PPP6R2: variants seen among roughly 807,000 people sequenced by gnomAD.
PPP6R2 encodes protein phosphatase 6 regulatory subunit 2.
Under a neutral mutation model 100.2 loss-of-function variants are expected in PPP6R2, and 62 were observed. That is an observed-to-expected ratio of 0.62 (90% CI 0.50 to 0.76). PPP6R2 has a LOEUF of 0.76. PPP6R2 is among the 30% of genes least tolerant of loss of function. The pLI is 0.00. For synonymous variants in PPP6R2, 525 were observed against 514.7 expected (o/e 1.02, Z -0.27); for missense variants, 1,142 against 1,276.3 (o/e 0.89, Z 1.60).
intron 5 of PPP6R2, among the ~76,000 whole-genome samples, chr22:50,415,138 G>C (rs2060348126): frequency 6.6e-6 from 1 of 152,244 alleles, no homozygotes; most frequent in Admixed American, 6.5e-5. Flanking sequence ...TGTTCTGATG[G>C]TGTTTAGTCA....
chr22:50,394,627 C>T (rs2148898666), intron 3 of PPP6R2, among the ~76,000 whole-genome samples: 1 of 138,906 alleles, frequency 7.2e-6, no homozygotes, highest in Admixed American at 7.1e-5. Context: ...AAAAAAAAGG[C>T]CGGGCACAGT....
At chr22:50,369,375 T>A (rs558385583) in intron 1 of PPP6R2, among the ~76,000 whole-genome samples, 1 of 152,310 alleles carries the variant, frequency 6.6e-6, no homozygotes, top group South Asian at 2.1e-4. Context: ...TTACCTGTTT[T>A]AGAAGGTGGT....
chr22:50,341,561 C>T (rs111220633), upstream of PPP6R2, among the ~76,000 whole-genome samples: 3,328 of 152,266 alleles, frequency 0.022, 46 homozygotes, highest in Admixed American at 0.033. Context: ...AGCAAGCTGA[C>T]CTACAGCAAG....
intron 3 of PPP6R2, among the ~76,000 whole-genome samples, chr22:50,404,142 T>G (rs1430906394): frequency 7.0e-6 from 1 of 143,690 alleles, no homozygotes; most frequent in Non-Finnish European, 1.5e-5. Flanking sequence ...TCACCCAGAC[T>G]GGAGTGCAGT....
chr22:50,339,834 T>TG, upstream of PPP6R2, among the ~76,000 whole-genome samples: 1 of 41,494 alleles, frequency 2.4e-5, no homozygotes, highest in Non-Finnish European at 3.9e-5. Context: ...ATGTAGTGTG[T>TG]GTGGTGTGTG....
At chr22:50,432,411 C>A in intron 12 of PPP6R2, 82 bp downstream of exon 12, 1 of 1,317,718 alleles carries the variant, frequency 7.6e-7, no homozygotes, top group Middle Eastern at 2.6e-4. Context: ...CCTGGTGACG[C>A]TGCGTGCAGG....
At chr22:50,437,342 T>G (rs1396148742) in intron 15 of PPP6R2, among the ~76,000 whole-genome samples, 164 bp from the exon 16 acceptor site, 1 of 152,186 alleles carries the variant, frequency 6.6e-6, no homozygotes, top group East Asian at 1.9e-4. Context: ...AGCCTGAGTT[T>G]TGGTAGAATC....
intron 1 of PPP6R2, among the ~76,000 whole-genome samples, chr22:50,360,552 T>TG (rs1268598610): frequency 6.6e-6 from 1 of 152,014 alleles, no homozygotes; most frequent in Non-Finnish European, 1.5e-5. Context: ...TTTTTAGAGA[T>TG]GGGGTCTCTC....
At chr22:50,349,702 C>A (rs1231818530) in intron 1 of PPP6R2, among the ~76,000 whole-genome samples, 2 of 146,610 alleles carry the variant, frequency 1.4e-5, no homozygotes, top group African/African-American at 2.5e-5. Flanking sequence ...TGGCATGCGC[C>A]TGTAATCCCA....
intron 1 of PPP6R2, among the ~76,000 whole-genome samples, chr22:50,368,564 A>G (rs1193899061): frequency 6.6e-6 from 1 of 152,248 alleles, no homozygotes; most frequent in African/African-American, 2.4e-5. Context: ...ATTCACATAT[A>G]TCTATAATCT....
intron 22 of PPP6R2, among the ~76,000 whole-genome samples, chr22:50,442,380 CCT>C (rs1216832170): frequency 6.6e-6 from 1 of 152,234 alleles, no homozygotes; most frequent in Admixed American, 6.5e-5. Context: ...GTTTGGCCAC[CCT>C]GTCTTCAGGG....
At chr22:50,433,661 C>T (rs1479489252) in intron 12 of PPP6R2, among the ~76,000 whole-genome samples, 2 of 18,646 alleles carry the variant, frequency 1.1e-4, no homozygotes, top group Non-Finnish European at 1.1e-4. Context: ...GGAGGAGGGC[C>T]GGGGGCATGG....
At chr22:50,437,484 T>TCCCCCCC in intron 15 of PPP6R2, 22 bp from the exon 16 acceptor site, 1 of 542,126 alleles carries the variant, frequency 1.8e-6, no homozygotes, top group Non-Finnish European at 3.6e-6. Flanking sequence ...TGTCCGTCCC[T>TCCCCCCC]CCCTCCCTCC....
At position 50,354,868 on chromosome 22, in the gene PPP6R2, C is replaced by CTTTTT. The variant is rs762678639; in HGVS notation, c.-148+11332_-148+11336dup. Among the ~76,000 whole-genome samples, 866 of 126,280 alleles carry CTTTTT rather than the reference C, an allele frequency of 6.9e-3. 24 individuals carry two copies. Among genetic ancestry groups the CTTTTT allele is most frequent in the South Asian group, 0.014 (56 of 3,896 alleles). 82.8% of individuals were successfully genotyped at this position (126,280 alleles called of 152,430 possible). ...TAAAAGCTGCTGCACCTGGATCAGCCTTTTTTTTTTTTTTTTTTGAGACAG... is the reference window on the plus strand; with the variant it reads ...TAAAAGCTGCTGCACCTGGATCAGCCTTTTTTTTTTTTTTTTTTTTTTTGAGACAG... On this transcript the variant is annotated intron_variant, in intron 1 of 23. Coordinates refer to ENST00000612753, the MANE Select transcript of PPP6R2 (RefSeq NM_001242898.2).
intron 10 of PPP6R2, among the ~76,000 whole-genome samples, chr22:50,424,247 G>A (rs939976860): frequency 1.3e-5 from 2 of 152,144 alleles, no homozygotes; most frequent in African/African-American, 4.8e-5. Flanking sequence ...CTTCTGCCTG[G>A]CTCTGGGGCT....
intron 4 of PPP6R2, among the ~76,000 whole-genome samples, chr22:50,412,361 T>C (rs1483982302): frequency 6.6e-6 from 1 of 151,352 alleles, no homozygotes; most frequent in East Asian, 2.0e-4. Flanking sequence ...CTTGCTAATT[T>C]TTATATTTTT....
chr22:50,335,715 A>G, the PPP6R2 span, among the ~76,000 whole-genome samples: 1,496 of 122,294 alleles, frequency 0.012, 225 homozygotes, highest in African/African-American at 0.05. Context: ...TCGCTCTGTC[A>G]CCCAGGCTTG....
At chr22:50,361,693 G>C (rs953048990) in intron 1 of PPP6R2, among the ~76,000 whole-genome samples, 9 of 152,180 alleles carry the variant, frequency 5.9e-5, no homozygotes, top group African/African-American at 1.9e-4. Context: ...CCAGGACCCA[G>C]AGTATGCCCT....
intron 2 of PPP6R2, among the ~76,000 whole-genome samples, chr22:50,381,130 A>AG (rs977018372): frequency 4.6e-5 from 7 of 151,322 alleles, no homozygotes; most frequent in Admixed American, 6.6e-5. Context: ...AAAAAAAAAA[A>AG]AGAGAACTCA....
Sources: allele counts gnomAD v4.1 joint callset (sites outside exome capture counted in the v4.1 genomes callset), GRCh38; gene constraint gnomAD v4.1.1; transcripts MANE v1.5; gene names NCBI Gene and HGNC (gene_info 2026-07-23, HGNC 2026-07-21).